Variants in LARP1B observed in about 807,000 individuals in gnomAD.
LARP1B encodes la-related protein 1B.
In LARP1B, 76 loss-of-function variants were observed where a neutral mutation model predicts 114.2. The ratio of observed to expected loss-of-function variants is 0.67; its 90% CI spans 0.55 to 0.81. The LOEUF (loss-of-function observed/expected upper bound fraction) is 0.81, where lower values mean the gene tolerates loss of function less well. Ranked by LOEUF, LARP1B falls within the 30% of genes least tolerant of loss-of-function variation. The pLI is 0.00. For missense variants in LARP1B, 1,014 were observed against 1,075.8 expected (o/e 0.94, Z 0.80); for synonymous variants, 345 against 348.0 (o/e 0.99, Z 0.10).
intron 9 of LARP1B, among the ~76,000 whole-genome samples, chr4:128,112,241 AAAC>A (rs1195794701): frequency 6.6e-6 from 1 of 152,020 alleles, no homozygotes; most frequent in Non-Finnish European, 1.5e-5. Context: ...TAAAATTATA[AAAC>A]ATGAAATTAA....
At chr4:128,107,905 C>T in intron 9 of LARP1B, 3 of 1,536,002 alleles carry the variant, frequency 2.0e-6, no homozygotes, top group Non-Finnish European at 2.6e-6. Flanking sequence ...TCTTCTGAAG[C>T]TCTTGGATGT....
chr4:128,199,606 T>C lies in LARP1B; in HGVS notation c.2164+7T>C, dbSNP rs749006227. The C allele has an allele frequency of 6.8e-7, 1 of 1,476,032 alleles. No homozygotes were observed. The highest frequency in any genetic ancestry group is 1.5e-5 in the South Asian group (1 of 64,552). The allele number at this position is 1,476,032 out of a possible 1,614,324, so 91.4% of individuals were successfully genotyped here. ...CGTCGAAGATGCCTAAGTGGTAAGA[T>C]GCTTGTCCTTTATCTATCTAATATA... On this transcript the variant is annotated splice_region_variant and intron_variant, in intron 16 of 19. Coordinates refer to ENST00000326639, the MANE Select transcript of LARP1B (RefSeq NM_018078.4).
chr4:128,210,087 T>C lies in LARP1B; in HGVS notation c.*34T>C. The C allele has an allele frequency of 6.2e-7, 1 of 1,613,026 alleles. No individual in the cohort carries two copies. On this transcript the variant is annotated 3_prime_UTR_variant, in exon 20 of 20. Transcript: ENST00000326639. Reference sequence around the variant, plus strand: ...GCCTGTGTCCTGTGGTCTCAAGAAATGGTGAAATGCCTGAGAAATAGACTC... The same window carrying C: ...GCCTGTGTCCTGTGGTCTCAAGAAACGGTGAAATGCCTGAGAAATAGACTC...
intron 9 of LARP1B, 91 bp from the exon 10 acceptor site, chr4:128,114,479 A>G (rs1322322207): frequency 1.6e-5 from 15 of 942,346 alleles, no homozygotes; most frequent in Middle Eastern, 2.4e-4. Context: ...GTGAAAAAAT[A>G]TCAAGCCCCA....
At chr4:128,134,110 C>G (rs1792486944) in intron 11 of LARP1B, among the ~76,000 whole-genome samples, 1 of 151,736 alleles carries the variant, frequency 6.6e-6, no homozygotes, top group African/African-American at 2.4e-5. Context: ...ATGCAATCCT[C>G]TCACCTCAGC....
Position 128,091,441 on chromosome 4 carries a change from T to C in LARP1B, c.597T>C (p.Tyr199=), listed in dbSNP as rs746034413. ...TELNTSMMYY[Y]DDGTGVQVYP... ...TTAATACCAGTATGATGTATTACTA[T>C]GATGATGGTACAGGTGTACAGGTGT... Residue 199 remains tyrosine, a synonymous_variant, in exon 7 of 20, where the codon TAT becomes TAC. Coordinates refer to ENST00000326639, the MANE Select transcript of LARP1B (RefSeq NM_018078.4). 13 of 1,612,012 alleles carry C rather than the reference T, an allele frequency of 8.1e-6. No homozygotes were observed. Among genetic ancestry groups the C allele is most frequent in the Admixed American group, 5.0e-5 (3 of 59,994 alleles).
At chr4:128,081,167 C>T (rs1377988532) in intron 4 of LARP1B, among the ~76,000 whole-genome samples, 1 of 151,122 alleles carries the variant, frequency 6.6e-6, no homozygotes, top group Non-Finnish European at 1.5e-5. Flanking sequence ...CAACCTCTGC[C>T]TCCCGGGTTT....
At chr4:128,207,939 CT>C (rs1175647911) in intron 19 of LARP1B, among the ~76,000 whole-genome samples, 1 of 152,102 alleles carries the variant, frequency 6.6e-6, no homozygotes, top group Non-Finnish European at 1.5e-5. Flanking sequence ...CTTATATAGG[CT>C]TTATCCATTT....
In LARP1B at chr4:128,082,229, T is replaced by A; in HGVS notation, c.282T>A (p.Pro94=). ...TAAGATCAGAGAGTCAAGAAAGACC[T>A]GGATCCCGGAACAGCTCAAGATGTC... The part of the protein sequence containing the change: ...DVVRSESQER[P]GSRNSSRCQP... The change falls in exon 5 of 20, where the codon CCT becomes CCA. Residue 94 remains proline (P), a synonymous_variant. Transcript: ENST00000326639. 1 of 1,613,212 alleles carries A rather than the reference T, an allele frequency of 6.2e-7. No individual in the cohort carries two copies. Among genetic ancestry groups the A allele is most frequent in the Non-Finnish European group, 8.5e-7 (1 of 1,179,802 alleles).
At chr4:128,076,249 C>A (rs1170384549) in intron 3 of LARP1B, among the ~76,000 whole-genome samples, 2 of 152,214 alleles carry the variant, frequency 1.3e-5, no homozygotes, top group Non-Finnish European at 2.9e-5. Context: ...AGGTGATCCA[C>A]CCACCTTGGC....
rs1392936239 is a variant in LARP1B at position 128,114,550 on chromosome 4, G to A, written c.989-20G>A. 6.4e-7 allele frequency: 1 copy of A among 1,570,448 alleles called. No homozygotes were observed. The highest frequency in any genetic ancestry group is 8.7e-7 in the Non-Finnish European group (1 of 1,148,714). ...AAAAGCCATTATCATTTTAACTATA[G>A]AACTAACTTAAAATTTTAGAGTCTG... On this transcript the variant is annotated intron_variant, in intron 9 of 19. Transcript: ENST00000326639.
chr4:128,220,820 A>C (rs1759958330), intron 7 of LARP1B, among the ~76,000 whole-genome samples: 1 of 152,216 alleles, frequency 6.6e-6, no homozygotes, highest in Non-Finnish European at 1.5e-5. Flanking sequence ...TAATGAATGG[A>C]TCCTACCTAA....
In LARP1B at chr4:128,166,946, CTCTCTCTCTCTCTCTCTCTCTCTCTATA is replaced by C. The variant is rs1307075480; in HGVS notation, c.1648+4631_1648+4658del. 5.7e-5 allele frequency among the ~76,000 whole-genome samples: 6 copies of C among 104,634 alleles called. No individual in the cohort carries two copies. In the East Asian group the frequency reaches 1.7e-3, roughly 30 times the overall value. 68.6% of individuals were successfully genotyped at this position (104,634 alleles called of 152,430 possible). A position where few individuals can be genotyped will look rare whatever the true frequency, so the allele number is the denominator to read the frequency against. The stretch of plus-strand genomic sequence containing the variant: ...TATATTCTATTCTCTCTCTCTCTCT[CTCTCTCTCTCTCTCTCTCTCTCTCTATA>C]TATATATATATATATATATACACAC... On this transcript the variant is annotated intron_variant, in intron 12 of 19. Transcript: ENST00000326639.
intron 15 of LARP1B, among the ~76,000 whole-genome samples, chr4:128,180,358 C>T (rs1747925088): frequency 6.6e-6 from 1 of 152,048 alleles, no homozygotes; most frequent in Non-Finnish European, 1.5e-5. Context: ...TGACTGGTTA[C>T]TAGAAAAGAA....
At chr4:128,090,719 A>T (rs1449920565) in intron 5 of LARP1B, among the ~76,000 whole-genome samples, 1 of 152,246 alleles carries the variant, frequency 6.6e-6, no homozygotes, top group East Asian at 1.9e-4. Flanking sequence ...AATCTTTAAC[A>T]GCACAATCTT....
intron 12 of LARP1B, among the ~76,000 whole-genome samples, chr4:128,167,989 TGGA>T (rs1741881299): frequency 6.6e-6 from 1 of 152,126 alleles, no homozygotes; most frequent in African/African-American, 2.4e-5. Context: ...TTCCATTGCA[TGGA>T]TGTAAACAGT....
At chr4:128,149,886 C>T (rs1305664055) in intron 11 of LARP1B, among the ~76,000 whole-genome samples, 1 of 152,224 alleles carries the variant, frequency 6.6e-6, no homozygotes, top group Non-Finnish European at 1.5e-5. Context: ...GGCGCAGTGG[C>T]TCACGCCTGT....
chr4:128,097,237 C>T (rs1444514477), intron 7 of LARP1B, among the ~76,000 whole-genome samples: 1 of 152,088 alleles, frequency 6.6e-6, no homozygotes. Context: ...AAGAAAGAAG[C>T]ATGGAGAACT....
intron 12 of LARP1B, among the ~76,000 whole-genome samples, chr4:128,175,207 A>T (rs778742494): frequency 2.0e-5 from 3 of 152,156 alleles, no homozygotes; most frequent in Non-Finnish European, 2.9e-5. Flanking sequence ...GGATTTAGAT[A>T]TAGGACTGAG....
Sources: gnomAD v4.1 joint callset for allele counts (sites outside exome capture counted in the v4.1 genomes callset) on GRCh38, gnomAD v4.1.1 for gene constraint, MANE v1.5 for transcripts, NCBI Gene and HGNC (gene_info 2026-07-23, HGNC 2026-07-21) for gene names.